The following DLC1 variants were observed in gnomAD, a reference collection of about 807,000 sequenced individuals.
DLC1 encodes DLC1 Rho GTPase activating protein.
Under a neutral mutation model 140.3 loss-of-function variants are expected in DLC1, and 54 were observed. The observed-to-expected ratio is 0.38, with a 90% confidence interval of 0.31 to 0.48. DLC1 has a LOEUF of 0.48. Among genes scored for constraint, DLC1 ranks in the 20% least tolerant of loss-of-function variants. The pLI is 0.96. For missense variants in DLC1, 2,536 were observed against 1,907.0 expected, an observed-to-expected ratio of 1.33 and a Z score of -6.14; for synonymous variants, 986 against 728.1, an observed-to-expected ratio of 1.35 and a Z score of -5.70.
chr8:13,103,791 G>C (rs919658017), intron 7 of DLC1, among the ~76,000 whole-genome samples: 2 of 137,006 alleles, frequency 1.5e-5, no homozygotes, highest in South Asian at 2.3e-4. Flanking sequence ...AGTGAGCTGA[G>C]ATTGTGCCAC....
chr8:13,434,147 G>A (rs897819155), intron 2 of DLC1, among the ~76,000 whole-genome samples: 1 of 152,200 alleles, frequency 6.6e-6, no homozygotes. Flanking sequence ...AAAGTACTGG[G>A]ATTACAGGCG....
In DLC1 at chr8:13,356,388, C is replaced by T. The variant is rs148973501; in HGVS notation, c.1314+37165G>A. ...CATTCCTCAGAAAGATATTCAAAGC[C>T]GTTTACAGTTTGCCTCAATTGATAC... is the stretch of plus-strand genomic sequence containing the variant. On this transcript the variant is annotated intron_variant, in intron 4 of 17. Transcript: ENST00000276297. Among the ~76,000 whole-genome samples, 90 of 152,078 alleles carry T rather than the reference C, an allele frequency of 5.9e-4. 2 individuals carry two copies. The East Asian group carries it at 8.5e-3, about 14-fold the overall frequency.
chr8:13,362,166 AGT>A (rs1451187703), intron 4 of DLC1, among the ~76,000 whole-genome samples: 2 of 152,128 alleles, frequency 1.3e-5, no homozygotes, highest in Non-Finnish European at 2.9e-5. Context: ...TGGTCTACAG[AGT>A]GAGTCTGGGA....
chr8:13,600,218 C>A (rs1805829562), intron 1 of DLC1, among the ~76,000 whole-genome samples: 1 of 151,998 alleles, frequency 6.6e-6, no homozygotes, highest in Admixed American at 6.6e-5. Flanking sequence ...TATGAAGAGA[C>A]ATACCTGTTT....
chr8:13,143,572 C>G (rs1823179080), intron 5 of DLC1, among the ~76,000 whole-genome samples: 1 of 151,920 alleles, frequency 6.6e-6, no homozygotes, highest in African/African-American at 2.4e-5. Context: ...CCTTCCTCCT[C>G]CGCCTCCCAA....
At chr8:13,478,389 A>T (rs1484665020) in intron 2 of DLC1, among the ~76,000 whole-genome samples, 2 of 152,210 alleles carry the variant, frequency 1.3e-5, no homozygotes, top group Non-Finnish European at 2.9e-5. Context: ...ACCAGGTCCC[A>T]ACTCTGGCAT....
At chr8:13,439,631 G>C (rs1307788993) in intron 2 of DLC1, among the ~76,000 whole-genome samples, 1 of 151,832 alleles carries the variant, frequency 6.6e-6, no homozygotes, top group African/African-American at 2.4e-5. Flanking sequence ...TCCTTTCATC[G>C]ATAAAATCTA....
At chr8:13,305,517 A>G (rs569367855) in intron 4 of DLC1, among the ~76,000 whole-genome samples, 1 of 152,226 alleles carries the variant, frequency 6.6e-6, no homozygotes, top group South Asian at 2.1e-4. Context: ...GACAGACTCA[A>G]ATGAATGCAC....
At chr8:13,307,081 C>G (rs1385477649) in intron 4 of DLC1, among the ~76,000 whole-genome samples, 1 of 70,148 alleles carries the variant, frequency 1.4e-5, no homozygotes, top group Non-Finnish European at 2.4e-5. Flanking sequence ...GAGACTCTGT[C>G]AAAAAAAAAA....
chr8:13,380,767 A>G (rs905020930), intron 4 of DLC1, among the ~76,000 whole-genome samples: 2 of 152,210 alleles, frequency 1.3e-5, no homozygotes, highest in Admixed American at 6.5e-5. Flanking sequence ...ATTCGATATC[A>G]AAGTAAGTAG....
At chr8:13,155,689 A>G (rs1824199827) in intron 5 of DLC1, among the ~76,000 whole-genome samples, 1 of 152,088 alleles carries the variant, frequency 6.6e-6, no homozygotes, top group Admixed American at 6.6e-5. Flanking sequence ...AATTTTGCTA[A>G]TTTAGAATTA....
intron 2 of DLC1, among the ~76,000 whole-genome samples, chr8:13,483,962 T>TC (rs60831258): frequency 0.16 from 24,690 of 151,946 alleles, 2,414 homozygotes; most frequent in African/African-American, 0.25. Context: ...TCGCCTGTAG[T>TC]CTAGCTACTA....
chr8:13,600,805 A>G (rs961906623), intron 1 of DLC1, among the ~76,000 whole-genome samples: 12 of 151,812 alleles, frequency 7.9e-5, no homozygotes, highest in African/African-American at 2.7e-4. Flanking sequence ...TCAGAAATAT[A>G]CAAGTGTAGA....
intron 5 of DLC1, among the ~76,000 whole-genome samples, chr8:13,173,866 CATATT>C (rs1825623667): frequency 6.6e-6 from 1 of 152,060 alleles, no homozygotes; most frequent in African/African-American, 2.4e-5. Context: ...TTTTAAATCT[CATATT>C]TTATTTTAGA....
chr8:13,095,450 G>A, intron 10 of DLC1: 1 of 611,844 alleles, frequency 1.6e-6, no homozygotes, highest in Non-Finnish European at 2.9e-6. Context: ...TTTGTGCTCA[G>A]TACCTACTGT....
rs200237077 is a variant in DLC1 at position 13,465,263 on chromosome 8, A to G, written c.1023+33786T>C. ...TCGAGTGTTTCTAGGACACACTTCT[A>G]GGAGTGAAGTTCCTAATTTTTGGAG... is the stretch of plus-strand genomic sequence containing the variant. On this transcript the variant is annotated intron_variant, in intron 2 of 17. Transcript: ENST00000276297. Among the ~76,000 whole-genome samples, 31 of 152,336 alleles carry G rather than the reference A, an allele frequency of 2.0e-4. No homozygotes were observed. The East Asian group carries it at 5.0e-3, about 25-fold the overall frequency.
At chr8:13,419,238 C>A (rs1017586475) in intron 2 of DLC1, among the ~76,000 whole-genome samples, 5 of 151,952 alleles carry the variant, frequency 3.3e-5, no homozygotes, top group Non-Finnish European at 7.4e-5. Context: ...CTGGCCAGAA[C>A]TTCTAACACT....
intron 2 of DLC1, among the ~76,000 whole-genome samples, chr8:13,444,211 A>C (rs893632354): frequency 2.0e-5 from 3 of 152,114 alleles, no homozygotes; most frequent in Non-Finnish European, 2.9e-5. Flanking sequence ...CAGACAACCA[A>C]ATACCTCATG....
intron 5 of DLC1, among the ~76,000 whole-genome samples, chr8:13,243,604 A>G (rs973757086): frequency 6.6e-6 from 1 of 152,176 alleles, no homozygotes; most frequent in South Asian, 2.1e-4. Context: ...ACACTAACAG[A>G]GCATATTTTC....
Sources: gnomAD v4.1 joint callset for allele counts (sites outside exome capture counted in the v4.1 genomes callset) on GRCh38, gnomAD v4.1.1 for gene constraint, MANE v1.5 for transcripts, NCBI Gene and HGNC (gene_info 2026-07-23, HGNC 2026-07-21) for gene names.